The following XRCC4 variants were observed in gnomAD, a reference collection of about 807,000 sequenced individuals.
The protein encoded by XRCC4 is X-ray repair cross complementing 4.
Under a neutral mutation model 39.1 loss-of-function variants are expected in XRCC4, and 28 were observed. The ratio of observed to expected loss-of-function variants is 0.72; its 90% CI spans 0.53 to 0.98. The LOEUF is 0.98. Ranked by LOEUF, XRCC4 falls within the 50% of genes least tolerant of loss-of-function variation. The pLI, the probability that XRCC4 is intolerant of heterozygous loss-of-function variation, is 0.00. For synonymous variants in XRCC4, 123 were observed against 126.4 expected, an observed-to-expected ratio of 0.97 and a Z score of 0.18; for missense variants, 350 against 376.4, an observed-to-expected ratio of 0.93 and a Z score of 0.58.
At chr5:83,251,911 C>T (rs1004912485) in intron 6 of XRCC4, among the ~76,000 whole-genome samples, 1 of 152,128 alleles carries the variant, frequency 6.6e-6, no homozygotes, top group Non-Finnish European at 1.5e-5. Flanking sequence ...GTAAGATGGT[C>T]GTCAGTTATT....
intron 3 of XRCC4, among the ~76,000 whole-genome samples, chr5:83,159,124 C>G (rs547204440): frequency 3.3e-5 from 5 of 152,196 alleles, no homozygotes; most frequent in Middle Eastern, 3.4e-3. Context: ...TAAAAACAAT[C>G]ATTGGTTTGA....
chr5:83,218,062 T>TATGTATATATATATATA (rs1554065873), intron 6 of XRCC4, among the ~76,000 whole-genome samples: 1 of 147,542 alleles, frequency 6.8e-6, no homozygotes, highest in African/African-American at 2.5e-5. Context: ...TTTACCTTTT[T>TATGTATATATATATATA]TATATATATA....
intron 3 of XRCC4, among the ~76,000 whole-genome samples, chr5:83,153,448 A>G (rs1300671088): frequency 6.6e-6 from 1 of 152,186 alleles, no homozygotes; most frequent in African/African-American, 2.4e-5. Context: ...ATACTAGAGA[A>G]TATATAATCA....
At chr5:83,288,211 T>C (rs1376592154) in intron 7 of XRCC4, among the ~76,000 whole-genome samples, 1 of 151,912 alleles carries the variant, frequency 6.6e-6, no homozygotes, top group African/African-American at 2.4e-5. Flanking sequence ...GAATGTTCCA[T>C]GTGAGCTTGA....
intron 7 of XRCC4, among the ~76,000 whole-genome samples, chr5:83,295,726 G>GCACACA (rs1755071291): frequency 2.0e-5 from 3 of 151,882 alleles, no homozygotes; most frequent in South Asian, 4.1e-4. Flanking sequence ...GCACGCACAC[G>GCACACA]CACACGCACA....
intron 6 of XRCC4, among the ~76,000 whole-genome samples, chr5:83,232,788 T>G (rs1377149673): frequency 6.6e-6 from 1 of 152,184 alleles, no homozygotes; most frequent in Admixed American, 6.6e-5. Flanking sequence ...AACATTGACT[T>G]TATGCTGTTA....
At chr5:83,279,976 A>T (rs1313402598) in intron 7 of XRCC4, 1 of 192,034 alleles carries the variant, frequency 5.2e-6, no homozygotes, top group Non-Finnish European at 1.2e-5. Flanking sequence ...GGACTATACA[A>T]CTTACATCCT....
At chr5:83,341,997 A>G (rs781184566) in intron 7 of XRCC4, among the ~76,000 whole-genome samples, 2 of 152,192 alleles carry the variant, frequency 1.3e-5, no homozygotes, top group Non-Finnish European at 2.9e-5. Context: ...CTCACAGATC[A>G]CCTGGCCTGT....
intron 6 of XRCC4, among the ~76,000 whole-genome samples, chr5:83,241,608 G>A (rs1341008604): frequency 6.6e-6 from 1 of 151,972 alleles, no homozygotes; most frequent in Non-Finnish European, 1.5e-5. Flanking sequence ...TTTCAACCAA[G>A]TACAGTTGAT....
At chr5:83,233,463 A>G (rs1229069168) in intron 6 of XRCC4, among the ~76,000 whole-genome samples, 1 of 152,118 alleles carries the variant, frequency 6.6e-6, no homozygotes, top group Non-Finnish European at 1.5e-5. Context: ...TTAGTTTAAT[A>G]TATGTTGATC....
chr5:83,256,192 G>A (rs920040103), intron 6 of XRCC4, among the ~76,000 whole-genome samples: 5 of 152,154 alleles, frequency 3.3e-5, no homozygotes, highest in Non-Finnish European at 7.3e-5. Flanking sequence ...CCATCAGCCT[G>A]CTTCTGGCCG....
intron 1 of XRCC4, among the ~76,000 whole-genome samples, chr5:83,096,926 A>T (rs1745704447): frequency 6.6e-6 from 1 of 152,056 alleles, no homozygotes; most frequent in Non-Finnish European, 1.5e-5. Flanking sequence ...GATGCATATG[A>T]CCTCACTCCT....
At chr5:83,320,356 A>G (rs886214860) in intron 7 of XRCC4, among the ~76,000 whole-genome samples, 67 of 149,122 alleles carry the variant, frequency 4.5e-4, no homozygotes, top group African/African-American at 1.5e-3. Flanking sequence ...TTAAAGTATA[A>G]TAAAAAATAA....
At chr5:83,259,827 T>C (rs952706755) in intron 7 of XRCC4, among the ~76,000 whole-genome samples, 1 of 151,786 alleles carries the variant, frequency 6.6e-6, no homozygotes, top group Non-Finnish European at 1.5e-5. Context: ...CCCTCAAAAA[T>C]TTTTTAAAGT....
At chr5:83,238,075 T>C (rs963248) in intron 6 of XRCC4, among the ~76,000 whole-genome samples, 52,345 of 151,928 alleles carry the variant, frequency 0.34, 12,160 homozygotes, top group East Asian at 0.7. Context: ...CTGGGTTCAG[T>C]GATCCTCCAA....
chr5:83,293,716 T>A (rs1056483689), intron 7 of XRCC4, among the ~76,000 whole-genome samples: 2 of 152,042 alleles, frequency 1.3e-5, no homozygotes, highest in Non-Finnish European at 2.9e-5. Context: ...CTGTATTTCA[T>A]GGCACTTAGC....
the XRCC4 span, among the ~76,000 whole-genome samples, chr5:83,359,411 G>T: frequency 2.0e-5 from 3 of 152,072 alleles, no homozygotes; most frequent in Non-Finnish European, 4.4e-5. Context: ...TGAGTTCTTG[G>T]CCTGGCTGAA....
At chr5:83,322,789 T>C (rs1428523789) in intron 7 of XRCC4, among the ~76,000 whole-genome samples, 11 of 152,156 alleles carry the variant, frequency 7.2e-5, no homozygotes, top group Admixed American at 7.2e-4. Context: ...AAGGAACAGA[T>C]TCTCACCTAA....
intron 6 of XRCC4, among the ~76,000 whole-genome samples, chr5:83,223,512 A>C (rs1228730105): frequency 6.6e-6 from 1 of 151,040 alleles, no homozygotes; most frequent in Non-Finnish European, 1.5e-5. Flanking sequence ...GTTTTACCTA[A>C]AGTTTATTGT....
Sources: allele counts gnomAD v4.1 joint callset (sites outside exome capture counted in the v4.1 genomes callset), GRCh38; gene constraint gnomAD v4.1.1; transcripts MANE v1.5; gene names NCBI Gene and HGNC (gene_info 2026-07-23, HGNC 2026-07-21).